The following PCCB variants were observed in gnomAD, a reference collection of about 807,000 sequenced individuals.
PCCB encodes the protein propionyl-CoA carboxylase beta chain, mitochondrial.
Under a neutral mutation model 60.7 loss-of-function variants are expected in PCCB, and 43 were observed. The ratio of observed to expected loss-of-function variants is 0.71; its 90% CI spans 0.55 to 0.91. The LOEUF (loss-of-function observed/expected upper bound fraction) is 0.91. Among genes scored for constraint, PCCB ranks in the 40% least tolerant of loss-of-function variants. The pLI, the probability that PCCB is intolerant of heterozygous loss-of-function variation, is 0.00. For synonymous variants in PCCB, 276 were observed against 255.9 expected (o/e 1.08, Z -0.75); for missense variants, 766 against 702.8 (o/e 1.09, Z -1.02).
At chr3:136,326,958 A>G in intron 11 of PCCB, 48 bp downstream of exon 11, 1 of 1,284,610 alleles carries the variant, frequency 7.8e-7, no homozygotes, top group East Asian at 2.3e-5. Flanking sequence ...TTTCCCAGTA[A>G]GGTGCCCACT....
At chr3:136,298,208 T>A in intron 8 of PCCB, 136 bp downstream of exon 8, 1 of 1,036,160 alleles carries the variant, frequency 9.7e-7, no homozygotes, top group Non-Finnish European at 1.5e-6. Flanking sequence ...GGTGTGGGGA[T>A]GATGTCATGT....
chr3:136,291,373 GT>G (rs1396420479), intron 6 of PCCB, among the ~76,000 whole-genome samples: 1 of 152,204 alleles, frequency 6.6e-6, no homozygotes, highest in African/African-American at 2.4e-5. Flanking sequence ...TTCAAACTTT[GT>G]TTTTTGTCTT....
intron 6 of PCCB, among the ~76,000 whole-genome samples, chr3:136,286,883 T>C (rs994538139): frequency 6.6e-6 from 1 of 151,800 alleles, no homozygotes; most frequent in Non-Finnish European, 1.5e-5. Context: ...ATACAAAAAT[T>C]AGCCAAGCGT....
At chr3:136,302,318 C>G (rs1257308907) in intron 9 of PCCB, among the ~76,000 whole-genome samples, 2 of 121,762 alleles carry the variant, frequency 1.6e-5, no homozygotes, top group African/African-American at 5.0e-5. Flanking sequence ...AAGTTGCAGT[C>G]TTTCAACAGA....
chr3:136,292,659 AGT>A (rs1933749790), intron 6 of PCCB, among the ~76,000 whole-genome samples: 1 of 152,252 alleles, frequency 6.6e-6, no homozygotes. Context: ...TATTGAACAC[AGT>A]GTGTATTGAA....
chr3:136,262,795 G>T (rs1273670169), intron 5 of PCCB, among the ~76,000 whole-genome samples: 1 of 152,188 alleles, frequency 6.6e-6, no homozygotes, highest in Non-Finnish European at 1.5e-5. Flanking sequence ...GCTTACTTCT[G>T]TGGATGGCTT....
intron 10 of PCCB, among the ~76,000 whole-genome samples, chr3:136,320,234 A>C (rs902621434): frequency 1.3e-5 from 2 of 152,208 alleles, no homozygotes; most frequent in Non-Finnish European, 2.9e-5. Context: ...TCTCCAAAAA[A>C]GGCTGTTGGA....
intron 7 of PCCB, among the ~76,000 whole-genome samples, chr3:136,297,713 G>A (rs1933998972): frequency 1.3e-5 from 2 of 152,172 alleles, no homozygotes; most frequent in Non-Finnish European, 1.5e-5. Flanking sequence ...AATAAAGAAA[G>A]GTGTGACCCC....
At chr3:136,300,751 T>C (rs749552658) in intron 8 of PCCB, among the ~76,000 whole-genome samples, 2 of 152,180 alleles carry the variant, frequency 1.3e-5, no homozygotes, top group Non-Finnish European at 2.9e-5. Flanking sequence ...GTAGGAGGTA[T>C]TCAGAGAAGA....
chr3:136,326,033 C>T (rs938022991), intron 10 of PCCB, among the ~76,000 whole-genome samples: 7 of 151,820 alleles, frequency 4.6e-5, no homozygotes, highest in Non-Finnish European at 7.4e-5. Context: ...AGGATGGTCT[C>T]GATCTCTTGA....
intron 5 of PCCB, 88 bp downstream of exon 5, chr3:136,262,153 A>G (rs377180465): frequency 1.8e-5 from 15 of 826,024 alleles, no homozygotes; most frequent in Middle Eastern, 5.4e-4. Flanking sequence ...AACTCTCCTC[A>G]TTGTTCTCTG....
At chr3:136,299,264 AC>A (rs1391262663) in intron 8 of PCCB, among the ~76,000 whole-genome samples, 1 of 152,096 alleles carries the variant, frequency 6.6e-6, no homozygotes, top group African/African-American at 2.4e-5. Flanking sequence ...ATGTGTATAT[AC>A]ATATGTTCAT....
In PCCB at chr3:136,327,149, G is replaced by C; in HGVS notation, c.1199-6G>C. 6.2e-7 allele frequency: 1 copy of C among 1,613,730 alleles called. No homozygotes were observed. Among genetic ancestry groups the C allele is most frequent in the Non-Finnish European group, 8.5e-7 (1 of 1,179,630 alleles). On this transcript the variant is annotated splice_region_variant and splice_polypyrimidine_tract_variant and intron_variant, in intron 11 of 14. Coordinates refer to ENST00000251654, the MANE Select transcript of PCCB (RefSeq NM_000532.5). ...TGGGTATCTAGTAACTCTTCCTCAT[G>C]TCTAGGCACAGCACAGGAATACGGG...
At chr3:136,260,218 C>A (rs763370475) in intron 3 of PCCB, 1 of 511,838 alleles carries the variant, frequency 2.0e-6, no homozygotes, top group African/African-American at 1.9e-5. Flanking sequence ...GGATTCCAGG[C>A]ATGTGCCACC....
chr3:136,287,705 G>C (rs1198590099), intron 6 of PCCB, among the ~76,000 whole-genome samples: 1 of 152,128 alleles, frequency 6.6e-6, no homozygotes, highest in Non-Finnish European at 1.5e-5. Context: ...TAAAGTGCTG[G>C]GAGTATAGGC....
At chr3:136,270,402 G>T (rs1400245886) in intron 5 of PCCB, among the ~76,000 whole-genome samples, 1 of 152,160 alleles carries the variant, frequency 6.6e-6, no homozygotes, top group African/African-American at 2.4e-5. Context: ...GCCTCTGTGA[G>T]GTAGGTTCCC....
chr3:136,254,618 C>G (rs748589824), intron 1 of PCCB, among the ~76,000 whole-genome samples: 1 of 147,768 alleles, frequency 6.8e-6, no homozygotes, highest in Non-Finnish European at 1.5e-5. Flanking sequence ...CCACAACCTC[C>G]GCTTCCCAGG....
intron 1 of PCCB, among the ~76,000 whole-genome samples, chr3:136,253,846 G>A (rs985473284): frequency 6.6e-6 from 1 of 151,420 alleles, no homozygotes; most frequent in African/African-American, 2.4e-5. Context: ...ACAGAGTCTC[G>A]CTTTGTTGCC....
chr3:136,300,099 T>C (rs565077425), intron 8 of PCCB, among the ~76,000 whole-genome samples: 24 of 152,002 alleles, frequency 1.6e-4, no homozygotes, highest in African/African-American at 2.9e-4. Context: ...TCTACACATA[T>C]ACATACATGC....
Sources: gnomAD v4.1 joint callset for allele counts (sites outside exome capture counted in the v4.1 genomes callset) on GRCh38, gnomAD v4.1.1 for gene constraint, MANE v1.5 for transcripts, NCBI Gene and HGNC (gene_info 2026-07-23, HGNC 2026-07-21) for gene names.